Variants in GRIN2A observed in about 807,000 individuals in gnomAD.
The protein encoded by GRIN2A is glutamate receptor ionotropic, NMDA 2A.
GRIN2A carries 22 observed loss-of-function variants against 113.4 expected under a neutral mutation model. The ratio of observed to expected loss-of-function variants is 0.19; its 90% CI spans 0.14 to 0.28. GRIN2A has a LOEUF of 0.28. Ranked by LOEUF, GRIN2A falls within the 10% of genes least tolerant of loss-of-function variation. The pLI, the probability that GRIN2A is intolerant of heterozygous loss-of-function variation, is 1.00. For synonymous variants in GRIN2A, 827 were observed against 738.4 expected (o/e 1.12, Z -1.94); for missense variants, 1,502 against 1,887.0 (o/e 0.80, Z 3.78).
intron 11 of GRIN2A, among the ~76,000 whole-genome samples, chr16:9,785,998 A>G (rs1902209287): frequency 6.6e-6 from 1 of 152,220 alleles, no homozygotes; most frequent in Admixed American, 6.5e-5. Flanking sequence ...ATACATGGGA[A>G]GGGGGTTGTC....
chr16:9,945,725 G>C (rs150130934), intron 2 of GRIN2A, among the ~76,000 whole-genome samples: 199 of 152,294 alleles, frequency 1.3e-3, no homozygotes, highest in African/African-American at 4.4e-3. Context: ...GTCATACATA[G>C]AGGGGTTGCT....
intron 2 of GRIN2A, among the ~76,000 whole-genome samples, chr16:10,148,429 GT>G (rs1304067682): frequency 6.6e-6 from 1 of 152,146 alleles, no homozygotes; most frequent in East Asian, 1.9e-4. Context: ...ATATAAAAGA[GT>G]GGAGCATTCT....
intron 2 of GRIN2A, among the ~76,000 whole-genome samples, chr16:10,060,565 C>T (rs1487173980): frequency 6.6e-6 from 1 of 152,226 alleles, no homozygotes; most frequent in African/African-American, 2.4e-5. Context: ...TAAATGCTAA[C>T]TGCATGCTAA....
At chr16:10,165,623 C>G (rs1047965823) in intron 2 of GRIN2A, among the ~76,000 whole-genome samples, 4 of 141,846 alleles carry the variant, frequency 2.8e-5, no homozygotes, top group African/African-American at 1.0e-4. Context: ...AAAAATATTT[C>G]TTTCAATGCT....
intron 2 of GRIN2A, among the ~76,000 whole-genome samples, chr16:10,113,723 T>C (rs900100276): frequency 6.6e-6 from 1 of 152,214 alleles, no homozygotes; most frequent in Non-Finnish European, 1.5e-5. Flanking sequence ...TACAGATACA[T>C]ACATACACAT....
chr16:9,917,397 A>C (rs1025994430), intron 3 of GRIN2A, among the ~76,000 whole-genome samples: 1 of 152,222 alleles, frequency 6.6e-6, no homozygotes, highest in African/African-American at 2.4e-5. Context: ...AATTCTTCAG[A>C]TGAATGGATG....
At chr16:9,997,832 T>C (rs975741870) in intron 2 of GRIN2A, among the ~76,000 whole-genome samples, 10 of 152,188 alleles carry the variant, frequency 6.6e-5, no homozygotes, top group Non-Finnish European at 1.2e-4. Context: ...CCCTTGCACA[T>C]GCTCTCTTGC....
intron 10 of GRIN2A, among the ~76,000 whole-genome samples, chr16:9,804,226 G>A (rs971673323): frequency 6.6e-6 from 1 of 152,160 alleles, no homozygotes; most frequent in Non-Finnish European, 1.5e-5. Flanking sequence ...CAGTGTCAGA[G>A]TATTGGTCTG....
intron 9 of GRIN2A, among the ~76,000 whole-genome samples, chr16:9,822,647 C>A (rs1438984975): frequency 6.6e-6 from 1 of 152,136 alleles, no homozygotes; most frequent in Non-Finnish European, 1.5e-5. Context: ...GACACAGCAT[C>A]TGTTTTCTTC....
chr16:10,024,205 T>C (rs1352483116), intron 2 of GRIN2A, among the ~76,000 whole-genome samples: 1 of 151,276 alleles, frequency 6.6e-6, no homozygotes, highest in Non-Finnish European at 1.5e-5. Flanking sequence ...ACAAGTGGTC[T>C]CATTAATGGT....
rs151313588 is a variant in GRIN2A, at chr16:10,087,049, A to G, written c.414+92949T>C. Among the ~76,000 whole-genome samples, 176 of 152,364 alleles carry G rather than the reference A, an allele frequency of 1.2e-3. 1 individual carries two copies. Among genetic ancestry groups the G allele is most frequent in the African/African-American group, 3.8e-3 (156 of 41,588 alleles). On this transcript the variant is annotated intron_variant, in intron 2 of 12. Coordinates refer to ENST00000330684, the MANE Select transcript of GRIN2A (RefSeq NM_001134407.3). ...AAGGAGTGGAGGAGAAGCTCCTGCT[A>G]TAACAATGGAAGTCGATGAATGCAG...
chr16:9,822,281 C>T lies in GRIN2A; in HGVS notation c.2151G>A (p.Leu717=), dbSNP rs1181779977. ...KFNQKGVEDA[L]VSLKTGKLDA... ...ATCCTTACCCCGTTTTCAGGCTGAC[C>T]AAGGCGTCCTCTACTCCTTTCTGAT... Residue 717 remains leucine, a synonymous_variant, in exon 10 of 13, where the codon TTG becomes TTA. Coordinates refer to ENST00000330684, the MANE Select transcript of GRIN2A (RefSeq NM_001134407.3). The T allele has an allele frequency of 6.2e-7, 1 of 1,613,728 alleles. No individual in the cohort carries two copies. The highest frequency in any genetic ancestry group is 1.7e-5 in the Admixed American group (1 of 60,004).
At chr16:10,143,630 T>C (rs575839513) in intron 2 of GRIN2A, among the ~76,000 whole-genome samples, 1 of 152,272 alleles carries the variant, frequency 6.6e-6, no homozygotes, top group African/African-American at 2.4e-5. Context: ...ATTAAAATAA[T>C]CAGGGGGTTG....
intron 11 of GRIN2A, among the ~76,000 whole-genome samples, chr16:9,796,508 T>G (rs528847847): frequency 1.3e-5 from 2 of 152,354 alleles, no homozygotes; most frequent in Non-Finnish European, 2.9e-5. Flanking sequence ...AGAGTATACC[T>G]GCAATCCCTT....
chr16:9,812,624 C>T (rs1420159647), intron 10 of GRIN2A, among the ~76,000 whole-genome samples: 5 of 150,896 alleles, frequency 3.3e-5, no homozygotes, highest in Non-Finnish European at 7.4e-5. Flanking sequence ...GGTGACAGAG[C>T]GAGACTCTGT....
At chr16:10,103,507 T>C (rs2048439026) in intron 2 of GRIN2A, among the ~76,000 whole-genome samples, 4 of 152,224 alleles carry the variant, frequency 2.6e-5, no homozygotes. Context: ...AAATATTTCA[T>C]CTTCTTGAAG....
intron 2 of GRIN2A, among the ~76,000 whole-genome samples, chr16:10,128,063 A>G (rs2048982730): frequency 6.6e-6 from 1 of 152,186 alleles, no homozygotes; most frequent in African/African-American, 2.4e-5. Flanking sequence ...CTGCACGCCA[A>G]GGCTCAGTGA....
At chr16:10,112,676 G>C in intron 2 of GRIN2A, 5 of 756,716 alleles carry the variant, frequency 6.6e-6, no homozygotes, top group South Asian at 4.0e-5. Flanking sequence ...ACTTCAGCGA[G>C]GGGGAAAAGG....
intron 2 of GRIN2A, among the ~76,000 whole-genome samples, chr16:10,071,750 A>G (rs539474625): frequency 2.6e-5 from 4 of 152,286 alleles, no homozygotes; most frequent in Admixed American, 2.6e-4. Flanking sequence ...GGTCCCAAGC[A>G]CCAGCCCTGC....
Sources: allele counts gnomAD v4.1 joint callset (sites outside exome capture counted in the v4.1 genomes callset), GRCh38; gene constraint gnomAD v4.1.1; transcripts MANE v1.5; gene names NCBI Gene and HGNC (gene_info 2026-07-23, HGNC 2026-07-21).